CNTN4: variants seen among roughly 807,000 people sequenced by gnomAD.
The protein encoded by CNTN4 is contactin 4, also known as contactin-4.
A neutral mutation model predicts 122.5 loss-of-function variants in CNTN4; 77 were observed. The ratio of observed to expected loss-of-function variants is 0.63; its 90% CI spans 0.52 to 0.76. The LOEUF is 0.76. Ranked by LOEUF, CNTN4 falls within the 30% of genes least tolerant of loss-of-function variation. CNTN4 has a pLI of 0.00. For synonymous variants in CNTN4, 512 were observed against 447.0 expected, an observed-to-expected ratio of 1.15 and a Z score of -1.83; for missense variants, 1,256 against 1,259.1, an observed-to-expected ratio of 1.00 and a Z score of 0.04.
At chr3:2,931,063 G>A (rs1162536893) in intron 13 of CNTN4, among the ~76,000 whole-genome samples, 2 of 152,190 alleles carry the variant, frequency 1.3e-5, no homozygotes, top group Non-Finnish European at 1.5e-5. Flanking sequence ...GGAGTGTGCA[G>A]TCATATGCAT....
At chr3:2,174,952 A>G (rs1432188172) in intron 2 of CNTN4, among the ~76,000 whole-genome samples, 2 of 152,150 alleles carry the variant, frequency 1.3e-5, no homozygotes, top group African/African-American at 4.8e-5. Context: ...CTCCCCCATG[A>G]TCCAGTCACT....
rs35501368 is a variant in CNTN4 at position 2,841,150 on chromosome 3, C to G, written c.454+21569C>G. On this transcript the variant is annotated intron_variant, in intron 7 of 24. Coordinates refer to ENST00000418658, the MANE Select transcript of CNTN4 (RefSeq NM_175607.3). This position sits in a 1 kb window ranked among gnomAD's most constrained non-coding sequence, Gnocchi z 4.8. ...AAGATAATCTGAGGGTTAATGCTAACTCTCATAGAATTTAAGTCAAAATAT... is the reference window on the plus strand; with the variant it reads ...AAGATAATCTGAGGGTTAATGCTAAGTCTCATAGAATTTAAGTCAAAATAT... 0.21 allele frequency among the ~76,000 whole-genome samples: 31,565 copies of G among 152,132 alleles called. 3,899 individuals are homozygous for G. The highest frequency in any genetic ancestry group is 0.29 in the Non-Finnish European group (19,770 of 67,980).
chr3:2,827,283 C>A (rs1208642657), intron 7 of CNTN4, among the ~76,000 whole-genome samples: 1 of 152,166 alleles, frequency 6.6e-6, no homozygotes, highest in Non-Finnish European at 1.5e-5. Context: ...TCCTCAAACA[C>A]CACTATAATG....
At chr3:2,820,677 GA>G (rs2092843204) in intron 7 of CNTN4, among the ~76,000 whole-genome samples, 1 of 152,064 alleles carries the variant, frequency 6.6e-6, no homozygotes, top group South Asian at 2.1e-4. Flanking sequence ...AAGTATGGTT[GA>G]AAAGGGCCTA....
intron 2 of CNTN4, among the ~76,000 whole-genome samples, chr3:2,129,030 T>C (rs1002539942): frequency 6.6e-6 from 1 of 152,312 alleles, no homozygotes; most frequent in East Asian, 1.9e-4. Flanking sequence ...TAACATTTTC[T>C]ATGGTAAAAT....
intron 14 of CNTN4, among the ~76,000 whole-genome samples, chr3:3,007,381 G>A (rs1377030749): frequency 1.3e-5 from 2 of 152,136 alleles, no homozygotes; most frequent in South Asian, 2.1e-4. Context: ...AACCCTCCCT[G>A]TAAGATTACC....
chr3:2,553,791 A>G (rs1156480364), intron 3 of CNTN4, among the ~76,000 whole-genome samples: 1 of 152,162 alleles, frequency 6.6e-6, no homozygotes, highest in African/African-American at 2.4e-5. Context: ...TAACTGAATT[A>G]TTTCTTTTCA....
intron 12 of CNTN4, among the ~76,000 whole-genome samples, chr3:2,910,335 T>C (rs1376019556): frequency 1.3e-5 from 2 of 152,246 alleles, no homozygotes; most frequent in East Asian, 3.8e-4. Flanking sequence ...ATACTTTATA[T>C]ACAATCCTAT....
In CNTN4 at chr3:2,489,058, T is replaced by A. The variant is rs145006793; in HGVS notation, c.-88-82358T>A. 7.1e-3 allele frequency among the ~76,000 whole-genome samples: 1,074 copies of A among 152,244 alleles called. 11 individuals carry two copies. The highest frequency in any genetic ancestry group is 0.021 in the African/African-American group (862 of 41,558). On this transcript the variant is annotated intron_variant, in intron 3 of 24. Coordinates refer to ENST00000418658, the MANE Select transcript of CNTN4 (RefSeq NM_175607.3). ...GCATCAAACCTCTGTTTTTGCAAATTACTTTTTTTTCTGTGAGTTTTTAAT... is the reference window on the plus strand; with the variant it reads ...GCATCAAACCTCTGTTTTTGCAAATAACTTTTTTTTCTGTGAGTTTTTAAT...
At chr3:2,881,136 A>G (rs2093904344) in intron 8 of CNTN4, among the ~76,000 whole-genome samples, 1 of 152,234 alleles carries the variant, frequency 6.6e-6, no homozygotes. Context: ...ACTGTAAGTC[A>G]TCAGACACCC....
intron 13 of CNTN4, among the ~76,000 whole-genome samples, chr3:2,983,384 G>A (rs1694242555): frequency 6.6e-6 from 1 of 151,946 alleles, no homozygotes; most frequent in African/African-American, 2.4e-5. Flanking sequence ...TGTGTTGTAG[G>A]ACTTCAGAGT....
chr3:3,020,123 G>C (rs1440976015), intron 14 of CNTN4, among the ~76,000 whole-genome samples: 1 of 151,960 alleles, frequency 6.6e-6, no homozygotes, highest in Non-Finnish European at 1.5e-5. Flanking sequence ...ACATAAGTCT[G>C]GATAAATAAT....
intron 13 of CNTN4, among the ~76,000 whole-genome samples, chr3:2,951,128 T>C (rs773190234): frequency 5.3e-5 from 8 of 152,194 alleles, no homozygotes; most frequent in Non-Finnish European, 1.0e-4. Context: ...TTTGTTGTTA[T>C]CATTGATAAT....
chr3:2,169,571 G>A (rs144558092), intron 2 of CNTN4, among the ~76,000 whole-genome samples: 4,527 of 150,658 alleles, frequency 0.03, 82 homozygotes, highest in Middle Eastern at 0.082. Context: ...ACGCCCGGCT[G>A]ATTTTTTTGT....
chr3:2,142,364 T>A (rs1356652205), intron 2 of CNTN4, among the ~76,000 whole-genome samples: 1 of 152,152 alleles, frequency 6.6e-6, no homozygotes, highest in Non-Finnish European at 1.5e-5. Context: ...TTCCTTTTTT[T>A]TTCTTTCTTT....
intron 2 of CNTN4, among the ~76,000 whole-genome samples, chr3:2,257,476 A>G (rs549548729): frequency 1.3e-5 from 2 of 152,226 alleles, no homozygotes; most frequent in African/African-American, 4.8e-5. Flanking sequence ...TCACAGCAAA[A>G]GAAACTATCA....
chr3:2,415,330 A>C (rs534759059), intron 3 of CNTN4, among the ~76,000 whole-genome samples: 1 of 152,162 alleles, frequency 6.6e-6, no homozygotes, highest in Admixed American at 6.5e-5. Context: ...TTCCCACATC[A>C]AACCTGTGCT....
intron 6 of CNTN4, among the ~76,000 whole-genome samples, chr3:2,811,412 A>G (rs2092606168): frequency 6.6e-6 from 1 of 151,098 alleles, no homozygotes; most frequent in Non-Finnish European, 1.5e-5. Context: ...AGTGTCAAAA[A>G]AAAAAAAAAA....
intron 3 of CNTN4, among the ~76,000 whole-genome samples, chr3:2,373,959 G>C (rs1016173130): frequency 6.6e-6 from 1 of 152,014 alleles, no homozygotes; most frequent in Non-Finnish European, 1.5e-5. Context: ...ATCTTTTTTG[G>C]GGGGTTCCTG....
Sources: allele counts gnomAD v4.1 joint callset (sites outside exome capture counted in the v4.1 genomes callset), GRCh38; gene constraint gnomAD v4.1.1; non-coding constraint Gnocchi (gnomAD v3.1); transcripts MANE v1.5; gene names NCBI Gene and HGNC (gene_info 2026-07-23, HGNC 2026-07-21).